The following ZNF560 variants were observed in gnomAD, a reference collection of about 807,000 sequenced individuals.
The protein encoded by ZNF560 is zinc finger protein 560.
A neutral mutation model predicts 81.8 loss-of-function variants in ZNF560; 54 were observed. That is an observed-to-expected ratio of 0.66 (90% CI 0.53 to 0.83). The LOEUF (loss-of-function observed/expected upper bound fraction) is 0.83, where lower values mean the gene tolerates loss of function less well. Ranked by LOEUF, ZNF560 falls within the 40% of genes least tolerant of loss-of-function variation. ZNF560 has a pLI of 0.00. For missense variants in ZNF560, 940 were observed against 932.4 expected (o/e 1.01, Z -0.11); for synonymous variants, 321 against 317.9 (o/e 1.01, Z -0.10).
chr19:9,468,289 C>T lies in ZNF560; in HGVS notation c.658G>A (p.Glu220Lys). Residue 220 changes from glutamate (E) to lysine (K), a missense_variant, in exon 10 of 10, where the codon GAA (glutamate) becomes AAA (lysine). Transcript: ENST00000301480. ...CATGGATGTTTACAGAAGACATCTTCACATTGCTTACAGTCATAGAGTTCC... is the reference window on the plus strand; with the variant it reads ...CATGGATGTTTACAGAAGACATCTTTACATTGCTTACAGTCATAGAGTTCC... ...GEELYDCKQC[E>K]DVFCKHPCLK... 6.2e-7 allele frequency: 1 copy of T among 1,612,048 alleles called. No individual in the cohort carries two copies. The highest frequency in any genetic ancestry group is 8.5e-7 in the Non-Finnish European group (1 of 1,179,344).
chr19:9,450,765 A>C, the ZNF560 span, among the ~76,000 whole-genome samples: 1 of 152,172 alleles, frequency 6.6e-6, no homozygotes, highest in Middle Eastern at 3.4e-3. Context: ...CCTGCCTCCA[A>C]GTGACCAGTC....
At chr19:9,502,473 G>A (rs746293646), upstream of ZNF560, among the ~76,000 whole-genome samples, 21 of 152,142 alleles carry the variant, frequency 1.4e-4, no homozygotes, top group African/African-American at 1.9e-4. Context: ...GCCTCCCAAA[G>A]TGCTGGGATT....
chr19:9,481,473 G>A (rs561511322), intron 2 of ZNF560, among the ~76,000 whole-genome samples: 21 of 152,202 alleles, frequency 1.4e-4, no homozygotes, highest in Admixed American at 9.8e-4. Context: ...ACTGCCATCA[G>A]AGTGAACAGG....
intron 2 of ZNF560, among the ~76,000 whole-genome samples, chr19:9,480,834 T>G (rs778297734): frequency 1.7e-4 from 26 of 151,906 alleles, no homozygotes; most frequent in Non-Finnish European, 2.8e-4. Flanking sequence ...ACCTGTAATC[T>G]CAGCATTTTG....
Position 9,469,116 on chromosome 19 carries a change from C to A in ZNF560, c.601G>T (p.Gly201Trp). Residue 201 changes from glycine to tryptophan, a missense_variant, in exon 9 of 10, where the codon GGG (glycine) becomes TGG (tryptophan). Transcript: ENST00000301480. ...TTTGTTAATCTTACCAACTGTATCC[C>A]ATTTAATGTTTTTAAACAAAAATTA... Reference protein sequence around the residue: ...QDNFCLKTLNGIQLARNQNGE... With the variant: ...QDNFCLKTLNWIQLARNQNGE... 7.5e-6 allele frequency: 12 copies of A among 1,591,232 alleles called. No individual in the cohort carries two copies. Among genetic ancestry groups the A allele is most frequent in the Non-Finnish European group, 1.0e-5 (12 of 1,169,760 alleles).
At chr19:9,490,618 G>C (rs1382623762) in intron 2 of ZNF560, among the ~76,000 whole-genome samples, 2 of 152,226 alleles carry the variant, frequency 1.3e-5, no homozygotes, top group Non-Finnish European at 2.9e-5. Context: ...TAGTATGAAA[G>C]AAGCCTCAGA....
At chr19:9,492,386 C>A (rs1178164940) in intron 2 of ZNF560, among the ~76,000 whole-genome samples, 2 of 152,116 alleles carry the variant, frequency 1.3e-5, no homozygotes, top group Admixed American at 1.3e-4. Context: ...AGTAGAGAGG[C>A]AAATCCATAT....
chr19:9,457,448 A>T, the ZNF560 span, among the ~76,000 whole-genome samples: 1 of 152,244 alleles, frequency 6.6e-6, no homozygotes, highest in Non-Finnish European at 1.5e-5. Flanking sequence ...AAGGCATGTT[A>T]AACAGTCCAA....
At chr19:9,465,592 T>C (rs997674214), downstream of ZNF560, among the ~76,000 whole-genome samples, 3 of 152,204 alleles carry the variant, frequency 2.0e-5, no homozygotes, top group Non-Finnish European at 2.9e-5. Context: ...CAGGGACAAA[T>C]GAGCACTTTG....
At chr19:9,458,929 A>G in the ZNF560 span, among the ~76,000 whole-genome samples, 4 of 152,234 alleles carry the variant, frequency 2.6e-5, no homozygotes, top group African/African-American at 9.6e-5. Context: ...GTATGTGTAG[A>G]CACCTTTTCT....
chr19:9,501,327 TTGTGTGTGTGTGTGTGTGTGTG>T (rs71185606), upstream of ZNF560, among the ~76,000 whole-genome samples: 29 of 109,018 alleles, frequency 2.7e-4, no homozygotes, highest in Admixed American at 7.8e-4. Flanking sequence ...CCTGGCTACT[TTGTGTGTGTGTGTGTGTGTGTG>T]TGTGTGTGTG....
At chr19:9,506,623 C>T in the ZNF560 span, among the ~76,000 whole-genome samples, 4 of 152,070 alleles carry the variant, frequency 2.6e-5, no homozygotes, top group Admixed American at 2.6e-4. Context: ...TGTCTAGCAT[C>T]CTTTTATTCC....
chr19:9,486,600 C>T (rs1032355839), intron 2 of ZNF560, among the ~76,000 whole-genome samples: 3 of 151,860 alleles, frequency 2.0e-5, no homozygotes, highest in Non-Finnish European at 4.4e-5. Context: ...ATGAGCCAAG[C>T]GTGGTGGCAG....
At chr19:9,482,489 G>A (rs1297808715) in intron 2 of ZNF560, among the ~76,000 whole-genome samples, 2 of 151,510 alleles carry the variant, frequency 1.3e-5, no homozygotes, top group African/African-American at 4.9e-5. Context: ...AAGAAAGGAA[G>A]GAAGCCAGGC....
At chr19:9,470,819 G>T (rs972141785) in intron 6 of ZNF560, among the ~76,000 whole-genome samples, 1 of 152,110 alleles carries the variant, frequency 6.6e-6, no homozygotes, top group Non-Finnish European at 1.5e-5. Flanking sequence ...ACAAATACTT[G>T]ATAAATGAGG....
At chr19:9,505,872 C>T in the ZNF560 span, among the ~76,000 whole-genome samples, 1 of 152,126 alleles carries the variant, frequency 6.6e-6, no homozygotes, top group East Asian at 1.9e-4. Context: ...CCATGTTGGC[C>T]AGGCTGATCT....
intron 7 of ZNF560, among the ~76,000 whole-genome samples, 171 bp downstream of exon 7, chr19:9,470,221 A>G (rs993383120): frequency 2.0e-5 from 3 of 152,224 alleles, no homozygotes; most frequent in Non-Finnish European, 4.4e-5. Flanking sequence ...AAAACCCATT[A>G]GTACAGGAAC....
chr19:9,481,081 TGAA>T lies in ZNF560; in HGVS notation c.-56-5715_-56-5713del, dbSNP rs1419786801. The stretch of plus-strand genomic sequence containing the variant: ...CTGGGCAATACAGGCAGAGATTATC[TGAA>T]AAAAAAAAAAAAAAAGGCCTCAGAA... On this transcript the variant is annotated intron_variant, in intron 2 of 9. Coordinates refer to ENST00000301480, the MANE Select transcript of ZNF560 (RefSeq NM_152476.3). Among the ~76,000 whole-genome samples, 295 of 90,312 alleles carry T rather than the reference TGAA, an allele frequency of 3.3e-3. 2 individuals carry two copies. Among genetic ancestry groups the T allele is most frequent in the African/African-American group, 0.011 (273 of 24,072 alleles). 59.2% of individuals were successfully genotyped at this position (90,312 alleles called of 152,430 possible).
chr19:9,506,140 G>A, the ZNF560 span, among the ~76,000 whole-genome samples: 28 of 151,576 alleles, frequency 1.8e-4, no homozygotes, highest in African/African-American at 5.8e-4. Context: ...TTACAGGTAC[G>A]CACCACCACG....
Sources: allele counts gnomAD v4.1 joint callset (sites outside exome capture counted in the v4.1 genomes callset), GRCh38; gene constraint gnomAD v4.1.1; transcripts MANE v1.5; gene names NCBI Gene and HGNC (gene_info 2026-07-23, HGNC 2026-07-21).